The following PARP16 variants were observed in gnomAD, a reference collection of about 807,000 sequenced individuals.
The protein encoded by PARP16 is protein mono-ADP-ribosyltransferase PARP16.
Under a neutral mutation model 35.0 loss-of-function variants are expected in PARP16, and 31 were observed. That is an observed-to-expected ratio of 0.88 (90% CI 0.66 to 1.19). PARP16 has a LOEUF of 1.19. Among genes scored for constraint, PARP16 ranks in the 50% most tolerant of loss-of-function variants. The pLI is 0.00. For synonymous variants in PARP16, 162 were observed against 169.5 expected (o/e 0.96, Z 0.34); for missense variants, 424 against 411.2 (o/e 1.03, Z -0.27).
chr15:65,251,959 T>C (rs1269206874), intron 2 of PARP16, among the ~76,000 whole-genome samples: 2 of 151,996 alleles, frequency 1.3e-5, no homozygotes, highest in East Asian at 3.9e-4. Flanking sequence ...AGAGACGGGG[T>C]TTCACCGTGT....
chr15:65,234,728 G>C (rs2088830712), exon 4 of PARP16: 1 of 152,370 alleles, frequency 6.6e-6, no homozygotes, highest in African/African-American at 2.4e-5. Flanking sequence ...GCTGGTTGCA[G>C]GTTTGGTTTT....
chr15:65,274,484 G>A (rs1307818396), intron 1 of PARP16, among the ~76,000 whole-genome samples: 5 of 151,916 alleles, frequency 3.3e-5, no homozygotes, highest in South Asian at 2.1e-4. Context: ...TGAGGTGGGA[G>A]GATCGCTAGA....
At chr15:65,285,988 T>C (rs574186126) in intron 1 of PARP16, among the ~76,000 whole-genome samples, 99 of 152,206 alleles carry the variant, frequency 6.5e-4, no homozygotes, top group Non-Finnish European at 1.3e-3. Flanking sequence ...TATGCAACTA[T>C]TCCTCACTTC....
At chr15:65,261,327 G>A (rs1188027237) in intron 4 of PARP16, among the ~76,000 whole-genome samples, 2 of 151,026 alleles carry the variant, frequency 1.3e-5, no homozygotes. Flanking sequence ...AAATACGCTG[G>A]GACTGGAAGC....
chr15:65,250,106 C>CTTTTTTTTTTTTTTTTTTTTTTT lies in PARP16; in HGVS notation c.203-1879_203-1878insAAAAAAAAAAAAAAAAAAAAAAA, dbSNP rs1567013240. ...CTAGCTGCAGCCTTGCACCTGCTTG[C>CTTTTTTTTTTTTTTTTTTTTTTT]CTTTTTTTTTTTTTTTTTTTTTTTT... On this transcript the variant is annotated intron_variant and NMD_transcript_variant, in intron 2 of 3. Coordinates refer to the PARP16 transcript ENST00000559805. 5.8e-5 allele frequency among the ~76,000 whole-genome samples: 6 copies of CTTTTTTTTTTTTTTTTTTTTTTT among 104,198 alleles called. 1 individual carries two copies. The highest frequency in any genetic ancestry group is 3.8e-5 in the Non-Finnish European group (2 of 53,200). 68.4% of individuals were successfully genotyped at this position (104,198 alleles called of 152,430 possible). A position where few individuals can be genotyped will look rare whatever the true frequency, so the allele number is the denominator to read the frequency against.
chr15:65,273,887 A>C lies in PARP16; in HGVS notation c.175-2815T>G, dbSNP rs1459227832. On this transcript the variant is annotated intron_variant, in intron 1 of 5. Transcript: ENST00000649807. ...GCAAAACTCTGTTTCAAAAAAAAAA[A>C]AAACAAAAAACACCAACTATCTCTA... Among the ~76,000 whole-genome samples the C allele has an allele frequency of 4.0e-5, 6 of 151,508 alleles. No individual in the cohort carries two copies. In the East Asian group the frequency reaches 9.7e-4, roughly 24 times the overall value.
intron 1 of PARP16, among the ~76,000 whole-genome samples, chr15:65,276,744 G>A (rs1350798469): frequency 6.6e-6 from 1 of 152,074 alleles, no homozygotes; most frequent in Non-Finnish European, 1.5e-5. Flanking sequence ...ACTTTGGGAG[G>A]TTGAGGTGGG....
intron 2 of PARP16, among the ~76,000 whole-genome samples, chr15:65,249,169 CA>C (rs1270326780): frequency 6.6e-6 from 1 of 152,238 alleles, no homozygotes; most frequent in East Asian, 1.9e-4. Flanking sequence ...CACAGCATCT[CA>C]AGGCTGTGGG....
chr15:65,231,321 C>T (rs765947626), downstream of PARP16, among the ~76,000 whole-genome samples: 3 of 152,178 alleles, frequency 2.0e-5, no homozygotes, highest in Non-Finnish European at 4.4e-5. Flanking sequence ...TGTGCGCACA[C>T]ACGTTATTTA....
rs1320317561 is a variant in PARP16 at position 65,259,467 on chromosome 15, G to GAGC, written c.906_908dup (p.Leu303dup). ...CAGAGGAGTTGATGACACTCACTAT[G>GAGC]AGCAGCAGCAGCAGATACAGGGATA... On this transcript the variant is annotated inframe_insertion, in exon 6 of 6. Transcript: ENST00000649807. 1.5e-5 allele frequency: 24 copies of GAGC among 1,613,422 alleles called. No homozygotes were observed. Among genetic ancestry groups the GAGC allele is most frequent in the Non-Finnish European group, 1.9e-5 (22 of 1,179,416 alleles).
downstream of PARP16, among the ~76,000 whole-genome samples, chr15:65,232,221 T>C (rs2088785940): frequency 6.6e-6 from 1 of 152,156 alleles, no homozygotes; most frequent in African/African-American, 2.4e-5. Context: ...TGGGAGGTAG[T>C]GGTGTTTATA....
chr15:65,231,828 T>A (rs2088781113), downstream of PARP16, among the ~76,000 whole-genome samples: 1 of 152,204 alleles, frequency 6.6e-6, no homozygotes, highest in East Asian at 1.9e-4. Context: ...TACCATTTTC[T>A]TTGTTCCATA....
chr15:65,279,283 A>G (rs1030294998), intron 1 of PARP16, among the ~76,000 whole-genome samples: 1 of 152,216 alleles, frequency 6.6e-6, no homozygotes, highest in African/African-American at 2.4e-5. Context: ...AGCGCCACAC[A>G]AACAGTAAGT....
chr15:65,270,994 G>A lies in PARP16; in HGVS notation c.253C>T (p.Leu85=), dbSNP rs141297588. 32 of 1,613,948 alleles carry A rather than the reference G, an allele frequency of 2.0e-5. No individual in the cohort carries two copies. The African/African-American group carries it at 4.3e-4, about 22-fold the overall frequency. Reference sequence around the variant, plus strand: ...TTTGAGGATAAAATCCAGCTCACCAGGTCCCAGGCCCGTTTGTGGTTGTCT... The same window carrying A: ...TTTGAGGATAAAATCCAGCTCACCAAGTCCCAGGCCCGTTTGTGGTTGTCT... ...SGDNHKRAWD[L]VSWILSSKVL... The change falls in exon 2 of 6, where the codon CTG becomes TTG. Residue 85 remains leucine (L), a synonymous_variant. Coordinates refer to ENST00000649807, the MANE Select transcript of PARP16 (RefSeq NM_001316943.2).
intron 3 of PARP16, among the ~76,000 whole-genome samples, chr15:65,266,113 T>C (rs572368086): frequency 3.3e-5 from 5 of 151,914 alleles, no homozygotes; most frequent in African/African-American, 4.8e-5. Flanking sequence ...ATTTTTAGTA[T>C]GGATGGGGTT....
At chr15:65,240,323 A>AGTGTGGGT in intron 3 of PARP16, among the ~76,000 whole-genome samples, 1 of 126,126 alleles carries the variant, frequency 7.9e-6, no homozygotes, top group African/African-American at 3.1e-5. Flanking sequence ...GGGGGGGGCT[A>AGTGTGGGT]GTGTGTGTGT....
chr15:65,274,584 A>G (rs912188227), intron 1 of PARP16, among the ~76,000 whole-genome samples: 7 of 151,802 alleles, frequency 4.6e-5, no homozygotes, highest in Non-Finnish European at 7.4e-5. Context: ...GAATAAAAAA[A>G]AAAAAAAGGA....
At position 65,258,498 on chromosome 15, in the gene PARP16, G is replaced by T. The variant is rs908959657; in HGVS notation, c.*909C>A. On this transcript the variant is annotated 3_prime_UTR_variant, in exon 6 of 6. Coordinates refer to ENST00000649807, the MANE Select transcript of PARP16 (RefSeq NM_001316943.2). ...CTCGTGGTTGCAGGCCACAGTCAAG[G>T]CAGCTTTGTGAGAATGAGAACAGGA... 2 of 152,238 alleles carry T rather than the reference G, an allele frequency of 1.3e-5. No individual in the cohort carries two copies. Among genetic ancestry groups the T allele is most frequent in the Non-Finnish European group, 2.9e-5 (2 of 68,050 alleles). The allele number at this position is 152,238 out of a possible 1,614,324, so 9.4% of individuals were successfully genotyped here.
chr15:65,260,438 T>C (rs1165133955), intron 5 of PARP16, among the ~76,000 whole-genome samples: 1 of 152,134 alleles, frequency 6.6e-6, no homozygotes, highest in East Asian at 1.9e-4. Context: ...GAGATAAAGA[T>C]GAAGCATCTC....
Sources: allele counts gnomAD v4.1 joint callset (sites outside exome capture counted in the v4.1 genomes callset), GRCh38; gene constraint gnomAD v4.1.1; transcripts MANE v1.5; gene names NCBI Gene and HGNC (gene_info 2026-07-23, HGNC 2026-07-21).